The following CREBL2 variants were observed in gnomAD, a reference collection of about 807,000 sequenced individuals.
The protein encoded by CREBL2 is cAMP responsive element binding protein like 2, also known as cAMP-responsive element-binding protein-like 2.
CREBL2 carries 4 observed loss-of-function variants against 19.5 expected under a neutral mutation model. The observed-to-expected ratio is 0.20, with a 90% confidence interval of 0.10 to 0.47. The LOEUF is 0.47. Ranked by LOEUF, CREBL2 falls within the 20% of genes least tolerant of loss-of-function variation. The pLI is 0.98. For missense variants in CREBL2, 85 were observed against 145.1 expected (o/e 0.59, Z 2.13); for synonymous variants, 42 against 46.6 (o/e 0.90, Z 0.40).
chr12:12,612,157 C>A lies in CREBL2; in HGVS notation c.-16C>A, dbSNP rs766722144. 6.2e-7 allele frequency: 1 copy of A among 1,612,200 alleles called. No homozygotes were observed. Among genetic ancestry groups the A allele is most frequent in the South Asian group, 1.1e-5 (1 of 91,084 alleles). ...TCCGGGAGGGAGTGCCTGGCCAGGCCGGCCTGTCTGCCGCGATGGATGACA... is the reference window on the plus strand; with the variant it reads ...TCCGGGAGGGAGTGCCTGGCCAGGCAGGCCTGTCTGCCGCGATGGATGACA... On this transcript the variant is annotated 5_prime_UTR_variant, in exon 1 of 4. Transcript: ENST00000228865.
Position 12,612,095 on chromosome 12 carries a change from CG to C in CREBL2, c.-73del. The C allele has an allele frequency of 1.3e-6, 2 of 1,561,476 alleles. No individual in the cohort carries two copies. The highest frequency in any genetic ancestry group is 1.1e-5 in the South Asian group (1 of 90,034). On this transcript the variant is annotated 5_prime_UTR_variant, in exon 1 of 4. Transcript: ENST00000228865. Reference sequence around the variant, plus strand: ...AACCATATCCCCTTCTTCCTCGGGGCGGGGGCCGGGCCAGGCCGGCTGAGCC... The same window carrying C: ...AACCATATCCCCTTCTTCCTCGGGGCGGGGCCGGGCCAGGCCGGCTGAGCC...
chr12:12,641,281 TCAA>T (rs1945519560), intron 3 of CREBL2, among the ~76,000 whole-genome samples: 1 of 134,710 alleles, frequency 7.4e-6, no homozygotes. Flanking sequence ...TTTTTTTAGG[TCAA>T]CCTCTGGGAG....
At chr12:12,638,621 C>T (rs1592242810) in intron 3 of CREBL2, among the ~76,000 whole-genome samples, 1 of 151,988 alleles carries the variant, frequency 6.6e-6, no homozygotes, top group Middle Eastern at 3.4e-3. Flanking sequence ...TTTTGATTTA[C>T]AGTTTACAGA....
chr12:12,627,675 G>A (rs1193095461), intron 1 of CREBL2, among the ~76,000 whole-genome samples: 2 of 152,174 alleles, frequency 1.3e-5, no homozygotes, highest in Non-Finnish European at 2.9e-5. Context: ...GAGTAATGGT[G>A]CTGTGAACAT....
chr12:12,637,759 G>A (rs368227309), intron 3 of CREBL2, 45 bp downstream of exon 3: 64 of 1,561,628 alleles, frequency 4.1e-5, no homozygotes, highest in Admixed American at 2.9e-4. Flanking sequence ...AGAGTGTCTC[G>A]GTTGGGCGCA....
intron 1 of CREBL2, among the ~76,000 whole-genome samples, chr12:12,621,129 C>G (rs1383986251): frequency 6.6e-6 from 1 of 152,168 alleles, no homozygotes; most frequent in Non-Finnish European, 1.5e-5. Context: ...ACCATATGGT[C>G]TCTGTTGGAA....
rs558899936 is a variant in CREBL2, at chr12:12,618,206, C to A, written c.15+6019C>A. Among the ~76,000 whole-genome samples the A allele has an allele frequency of 6.5e-4, 98 of 151,014 alleles. 4 individuals are homozygous for A. The South Asian group carries it at 0.017, about 26-fold the overall frequency. On this transcript the variant is annotated intron_variant, in intron 1 of 3. Coordinates refer to ENST00000228865, the MANE Select transcript of CREBL2 (RefSeq NM_001310.4). ...TACACCTCCCAGACGGGGCGGCTGC[C>A]GGGCGGAGACGCTCCTCACTTCCCA...
chr12:12,617,456 T>G (rs988147040), intron 1 of CREBL2, among the ~76,000 whole-genome samples: 3 of 152,082 alleles, frequency 2.0e-5, no homozygotes, highest in Non-Finnish European at 2.9e-5. Flanking sequence ...TCCATTTCCT[T>G]ATCTGTTAAA....
At chr12:12,631,954 GT>G (rs1336484201) in intron 1 of CREBL2, among the ~76,000 whole-genome samples, 3 of 150,622 alleles carry the variant, frequency 2.0e-5, no homozygotes, top group African/African-American at 7.3e-5. Flanking sequence ...AAAACATTTG[GT>G]TTATTACTGA....
intron 3 of CREBL2, among the ~76,000 whole-genome samples, chr12:12,641,255 T>TATTATTATTA (rs1482770108): frequency 4.7e-4 from 44 of 93,556 alleles, no homozygotes; most frequent in African/African-American, 1.5e-3. Flanking sequence ...TTATTATTAT[T>TATTATTATTA]TTTTTTTATT....
At chr12:12,635,585 A>G (rs1208758740) in intron 1 of CREBL2, among the ~76,000 whole-genome samples, 192 bp from the exon 2 acceptor site, 1 of 152,180 alleles carries the variant, frequency 6.6e-6, no homozygotes, top group Non-Finnish European at 1.5e-5. Context: ...TTTCACATTC[A>G]TGGTTTCAAA....
intron 1 of CREBL2, among the ~76,000 whole-genome samples, chr12:12,613,119 C>T (rs35781769): frequency 1.3e-5 from 2 of 152,066 alleles, no homozygotes; most frequent in South Asian, 2.1e-4. Flanking sequence ...GTCCGCTCGC[C>T]TCGGCCTCCC....
At chr12:12,629,617 C>T (rs1592240541) in intron 1 of CREBL2, among the ~76,000 whole-genome samples, 3 of 152,028 alleles carry the variant, frequency 2.0e-5, no homozygotes, top group African/African-American at 7.2e-5. Context: ...TGAATGCTTC[C>T]TATTTTTTCT....
intron 1 of CREBL2, among the ~76,000 whole-genome samples, chr12:12,629,951 A>G (rs1945431433): frequency 6.6e-6 from 1 of 152,104 alleles, no homozygotes. Context: ...TTTATTCTTG[A>G]GATAAATCCC....
In CREBL2 at chr12:12,644,612, G is replaced by A. The variant is rs1945550621; in HGVS notation, c.*2614G>A. On this transcript the variant is annotated 3_prime_UTR_variant, in exon 4 of 4. Coordinates refer to ENST00000228865, the MANE Select transcript of CREBL2 (RefSeq NM_001310.4). ...TATGGAATAAGTTTGACCAGGTCAA[G>A]TTTTAGGATATAGTTGAATTTCTTT... is the stretch of plus-strand genomic sequence containing the variant. 1 of 152,624 alleles carries A rather than the reference G, an allele frequency of 6.6e-6. No homozygotes were observed. Among genetic ancestry groups the A allele is most frequent in the African/African-American group, 2.4e-5 (1 of 41,460 alleles). 9.5% of individuals were successfully genotyped at this position (152,624 alleles called of 1,614,324 possible). A position where few individuals can be genotyped will look rare whatever the true frequency, so the allele number is the denominator to read the frequency against.
intron 1 of CREBL2, among the ~76,000 whole-genome samples, chr12:12,617,082 G>T (rs558743082): frequency 6.6e-6 from 1 of 152,322 alleles, no homozygotes; most frequent in Admixed American, 6.5e-5. Context: ...CATCTAGCTG[G>T]CTGGAGTGAG....
At position 12,627,423 on chromosome 12, in the gene CREBL2, C is replaced by T. The variant is rs575008792; in HGVS notation, c.16-8354C>T. 1.8e-4 allele frequency among the ~76,000 whole-genome samples: 27 copies of T among 152,320 alleles called. No homozygotes were observed. In the South Asian group the frequency reaches 5.6e-3, roughly 32 times the overall value. ...CACTCCCCATTTTTTCTTCCCTTCT[C>T]AGCCCTAAGCAACCATTAATCTACT... On this transcript the variant is annotated intron_variant, in intron 1 of 3. Coordinates refer to ENST00000228865, the MANE Select transcript of CREBL2 (RefSeq NM_001310.4).
chr12:12,632,400 GAAT>G (rs1417384523), intron 1 of CREBL2: 1 of 152,048 alleles, frequency 6.6e-6, no homozygotes, highest in Non-Finnish European at 1.5e-5. Context: ...TAAAAAAAAG[GAAT>G]AACACAGTTC....
At chr12:12,636,426 T>G (rs1945475836) in intron 2 of CREBL2, among the ~76,000 whole-genome samples, 1 of 152,164 alleles carries the variant, frequency 6.6e-6, no homozygotes, top group Admixed American at 6.5e-5. Flanking sequence ...TATTTTTTAT[T>G]TTTTATTTTT....
Sources: gnomAD v4.1 joint callset for allele counts (sites outside exome capture counted in the v4.1 genomes callset) on GRCh38, gnomAD v4.1.1 for gene constraint, MANE v1.5 for transcripts, NCBI Gene and HGNC (gene_info 2026-07-23, HGNC 2026-07-21) for gene names.